TFCP2: variants seen among roughly 807,000 people sequenced by gnomAD.
TFCP2 encodes alpha-globin transcription factor CP2.
TFCP2 carries 33 observed loss-of-function variants against 73.4 expected under a neutral mutation model. The ratio of observed to expected loss-of-function variants is 0.45; its 90% CI spans 0.34 to 0.60. TFCP2 has a LOEUF of 0.60. Among genes scored for constraint, TFCP2 ranks in the 20% least tolerant of loss-of-function variants. The probability of loss-of-function intolerance (pLI) is 0.01; values close to 1 mark genes in which losing one functional copy is unlikely to be tolerated. For synonymous variants in TFCP2, 193 were observed against 211.6 expected (o/e 0.91, Z 0.76); for missense variants, 352 against 604.0 (o/e 0.58, Z 4.37).
At chr12:51,157,686 CTTT>C (rs538061913) in intron 1 of TFCP2, among the ~76,000 whole-genome samples, 1 of 96,090 alleles carries the variant, frequency 1.0e-5, no homozygotes, top group African/African-American at 4.2e-5. Context: ...CTTTTCTTTT[CTTT>C]TTTTTTTTTT....
intron 1 of TFCP2, among the ~76,000 whole-genome samples, chr12:51,133,921 C>CAA (rs11320779): frequency 1.0e-3 from 101 of 97,042 alleles, no homozygotes; most frequent in African/African-American, 2.8e-3. Flanking sequence ...GACCCTGTCT[C>CAA]AAAAAAAAAA....
intron 11 of TFCP2, among the ~76,000 whole-genome samples, chr12:51,100,620 A>T (rs1460065108): frequency 6.6e-6 from 1 of 152,146 alleles, no homozygotes; most frequent in Non-Finnish European, 1.5e-5. Flanking sequence ...GTTTGAGACC[A>T]GCCAGGGGAA....
chr12:51,135,435 AC>A (rs1448706257), intron 1 of TFCP2, among the ~76,000 whole-genome samples: 4 of 21,716 alleles, frequency 1.8e-4, no homozygotes, highest in Admixed American at 2.6e-4. Context: ...ACACACACAC[AC>A]AAAAAAAACA....
chr12:51,101,673 T>C (rs1018258006), intron 11 of TFCP2, among the ~76,000 whole-genome samples: 28 of 152,184 alleles, frequency 1.8e-4, no homozygotes, highest in African/African-American at 6.0e-4. Context: ...GAGCCTACAA[T>C]AGTACCTGGC....
chr12:51,095,113 C>A lies in TFCP2; in HGVS notation c.*128G>T. 9.5e-7 allele frequency: 1 copy of A among 1,053,570 alleles called. No individual in the cohort carries two copies. 65.3% of individuals were successfully genotyped at this position (1,053,570 alleles called of 1,614,324 possible). A position where few individuals can be genotyped will look rare whatever the true frequency, so the allele number is the denominator to read the frequency against. On this transcript the variant is annotated 3_prime_UTR_variant, in exon 15 of 15. Coordinates refer to ENST00000257915, the MANE Select transcript of TFCP2 (RefSeq NM_005653.5). ...CAGGATTCTGCCTCCATGGCCTGGACTCCTCCACACACAGTCAGACGAGTC... is the reference window on the plus strand; with the variant it reads ...CAGGATTCTGCCTCCATGGCCTGGAATCCTCCACACACAGTCAGACGAGTC...
In TFCP2 at chr12:51,172,496, G is replaced by GT. The variant is rs1436812816; in HGVS notation, c.-75dup. On this transcript the variant is annotated 5_prime_UTR_variant, in exon 1 of 15. Coordinates refer to ENST00000257915, the MANE Select transcript of TFCP2 (RefSeq NM_005653.5). ...CGGAGGGTAATTCTACCCAACAGGA[G>GT]TAACGCAAACCAAGAAAACTACAAA... The GT allele has an allele frequency of 2.5e-6, 4 of 1,591,258 alleles. No homozygotes were observed. Among genetic ancestry groups the GT allele is most frequent in the Non-Finnish European group, 3.4e-6 (4 of 1,170,310 alleles).
At chr12:51,106,347 A>G (rs531345770) in intron 8 of TFCP2, among the ~76,000 whole-genome samples, 178 bp downstream of exon 8, 56 of 152,356 alleles carry the variant, frequency 3.7e-4, no homozygotes, top group Non-Finnish European at 6.3e-4. Flanking sequence ...AGAAAGGGCT[A>G]TATAAAACTC....
intron 1 of TFCP2, among the ~76,000 whole-genome samples, chr12:51,150,690 AAAC>A (rs778708005): frequency 2.6e-5 from 4 of 152,214 alleles, no homozygotes; most frequent in East Asian, 3.8e-4. Flanking sequence ...AAATCACAGC[AAAC>A]AACAACAACA....
intron 1 of TFCP2, among the ~76,000 whole-genome samples, chr12:51,142,380 G>A (rs964001525): frequency 6.6e-6 from 1 of 150,894 alleles, no homozygotes; most frequent in Non-Finnish European, 1.5e-5. Flanking sequence ...CTTCTTTACG[G>A]GTCTGCATGT....
Position 51,145,567 on chromosome 12 carries a change from C to CAA in TFCP2, c.122+26732_122+26733dup, listed in dbSNP as rs59778550. Among the ~76,000 whole-genome samples the CAA allele has an allele frequency of 1.1e-3, 54 of 49,176 alleles. 5 individuals are homozygous for CAA. Among genetic ancestry groups the CAA allele is most frequent in the East Asian group, 3.8e-3 (5 of 1,314 alleles). The allele number at this position is 49,176 out of a possible 152,430, so 32.3% of individuals were successfully genotyped here. On this transcript the variant is annotated intron_variant, in intron 1 of 14. Coordinates refer to ENST00000257915, the MANE Select transcript of TFCP2 (RefSeq NM_005653.5). ...CCTGGGTGATGGAGTAAGACTATCT[C>CAA]AAAAAAAAAAAAAAAAAAAAAAAAA...
chr12:51,120,177 C>CAAAAAAAAAAAAAAAAAA (rs33982936), intron 1 of TFCP2, among the ~76,000 whole-genome samples: 2 of 57,306 alleles, frequency 3.5e-5, no homozygotes, highest in Non-Finnish European at 6.0e-5. Context: ...GACTCTGTCT[C>CAAAAAAAAAAAAAAAAAA]AAAAAAAAAA....
intron 1 of TFCP2, among the ~76,000 whole-genome samples, chr12:51,147,845 T>A (rs1348993586): frequency 1.3e-5 from 2 of 150,840 alleles, no homozygotes; most frequent in African/African-American, 4.9e-5. Context: ...ATCAGCAGAG[T>A]AAAGAGACAA....
At chr12:51,130,692 T>C (rs1356188386) in intron 1 of TFCP2, among the ~76,000 whole-genome samples, 1 of 151,756 alleles carries the variant, frequency 6.6e-6, no homozygotes, top group Admixed American at 6.6e-5. Context: ...CTGTCTATAC[T>C]TAAAAAAAAA....
intron 1 of TFCP2, among the ~76,000 whole-genome samples, chr12:51,155,714 T>C (rs2137035195): frequency 6.6e-6 from 1 of 152,316 alleles, no homozygotes; most frequent in South Asian, 2.1e-4. Flanking sequence ...GCTGGTATTT[T>C]GTTGATGATT....
intron 1 of TFCP2, among the ~76,000 whole-genome samples, chr12:51,132,357 C>CTTTGTTTTTTTTT (rs1940962845): frequency 1.6e-5 from 1 of 61,764 alleles, no homozygotes; most frequent in Non-Finnish European, 2.9e-5. Flanking sequence ...AGGGATTAGT[C>CTTTGTTTTTTTTT]TTTTTTTTTT....
At chr12:51,141,845 G>A (rs1941198831) in intron 1 of TFCP2, among the ~76,000 whole-genome samples, 1 of 149,546 alleles carries the variant, frequency 6.7e-6, no homozygotes. Context: ...GGCAGAGGTT[G>A]CAGTGAGCCG....
intron 1 of TFCP2, among the ~76,000 whole-genome samples, chr12:51,170,419 G>A (rs1240628362): frequency 6.7e-6 from 1 of 149,246 alleles, no homozygotes; most frequent in African/African-American, 2.5e-5. Flanking sequence ...ACAACTCACT[G>A]CAGACTCAAA....
At position 51,109,187 on chromosome 12, in the gene TFCP2, C is replaced by G. The variant is rs759248481; in HGVS notation, c.651G>C (p.Lys217Asn). 2 of 1,614,180 alleles carry G rather than the reference C, an allele frequency of 1.2e-6. No homozygotes were observed. Among genetic ancestry groups the G allele is most frequent in the East Asian group, 4.5e-5 (2 of 44,874 alleles). ...VPFRVQIDTF[K>N]ENENGEYTEH... ...CAGTATATTCCCCGTTTTCATTCTC[C>G]TTGAAGGTATCTATTTGTACTCGGA... is the stretch of plus-strand genomic sequence containing the variant. The change falls in exon 6 of 15, where the codon AAG becomes AAC. Residue 217 changes from lysine (K) to asparagine (N), a missense_variant. Lys to Asn is a moderately conservative substitution (Grantham distance 94, BLOSUM62 0). Transcript: ENST00000257915.
intron 1 of TFCP2, 24 bp downstream of exon 1, chr12:51,172,277 A>G: frequency 6.2e-7 from 1 of 1,613,580 alleles, no homozygotes; most frequent in Non-Finnish European, 8.5e-7. Context: ...CAGAAGGTGT[A>G]GGGTCTGGGA....
Sources: allele counts gnomAD v4.1 joint callset (sites outside exome capture counted in the v4.1 genomes callset), GRCh38; gene constraint gnomAD v4.1.1; transcripts MANE v1.5; gene names NCBI Gene and HGNC (gene_info 2026-07-23, HGNC 2026-07-21).